Variants in SUSD4 observed in about 807,000 individuals in gnomAD.
SUSD4 encodes the protein sushi domain containing 4.
A neutral mutation model predicts 50.5 loss-of-function variants in SUSD4; 41 were observed. That is an observed-to-expected ratio of 0.81 (90% CI 0.63 to 1.05). The LOEUF (loss-of-function observed/expected upper bound fraction) is 1.05. Ranked by LOEUF, SUSD4 falls within the 50% of genes least tolerant of loss-of-function variation. The pLI is 0.00. For missense variants in SUSD4, 580 were observed against 634.7 expected (o/e 0.91, Z 0.93); for synonymous variants, 257 against 257.3 (o/e 1.00, Z 0.01).
chr1:223,265,644 C>G (rs1243218868), intron 4 of SUSD4, among the ~76,000 whole-genome samples: 1 of 152,144 alleles, frequency 6.6e-6, no homozygotes, highest in Non-Finnish European at 1.5e-5. Context: ...GGAAGTGGGA[C>G]CTGGATCCCA....
chr1:223,235,757 A>G (rs1660178354), intron 5 of SUSD4, among the ~76,000 whole-genome samples: 1 of 152,198 alleles, frequency 6.6e-6, no homozygotes, highest in African/African-American at 2.4e-5. Context: ...TTATTTATCC[A>G]TTCACCTACT....
chr1:223,283,702 A>G (rs1663926998), intron 3 of SUSD4, among the ~76,000 whole-genome samples: 1 of 152,194 alleles, frequency 6.6e-6, no homozygotes, highest in Non-Finnish European at 1.5e-5. Context: ...AACTAGAAAT[A>G]CCATTTGACC....
intron 3 of SUSD4, among the ~76,000 whole-genome samples, chr1:223,282,301 C>T (rs918900263): frequency 6.6e-6 from 1 of 152,160 alleles, no homozygotes; most frequent in Non-Finnish European, 1.5e-5. Context: ...GTCAAATTGT[C>T]CCTGTTTGCA....
At chr1:223,358,554 T>C (rs899425693) in intron 2 of SUSD4, among the ~76,000 whole-genome samples, 2 of 152,196 alleles carry the variant, frequency 1.3e-5, no homozygotes, top group Non-Finnish European at 2.9e-5. Flanking sequence ...AACAGAATAA[T>C]TTAGGTGCTT....
chr1:223,264,494 C>T lies in SUSD4; in HGVS notation c.724+136G>A, dbSNP rs566808715. The T allele has an allele frequency of 6.7e-5, 95 of 1,425,572 alleles. No individual in the cohort carries two copies. In the African/African-American group the frequency reaches 1.3e-3, roughly 19 times the overall value. The allele number at this position is 1,425,572 out of a possible 1,614,324, so 88.3% of individuals were successfully genotyped here. On this transcript the variant is annotated intron_variant, in intron 5 of 8. Coordinates refer to ENST00000366878, the MANE Select transcript of SUSD4 (RefSeq NM_017982.4). ...GGCTTCACGGCAGCTGATCTCTGCT[C>T]TGGAGAAAAGTGAGAAAGATGTATT... is the stretch of plus-strand genomic sequence containing the variant.
intron 2 of SUSD4, among the ~76,000 whole-genome samples, chr1:223,321,120 C>G (rs1233930575): frequency 2.6e-5 from 4 of 152,148 alleles, no homozygotes; most frequent in Admixed American, 2.0e-4. Context: ...GGCCATTGCC[C>G]TACTCCACAA....
At chr1:223,305,133 T>TA (rs1192289261) in intron 2 of SUSD4, among the ~76,000 whole-genome samples, 1 of 151,764 alleles carries the variant, frequency 6.6e-6, no homozygotes, top group Non-Finnish European at 1.5e-5. Flanking sequence ...TCTAGAGAAT[T>TA]AAAGTGATTT....
chr1:223,311,545 T>C (rs539254154), intron 2 of SUSD4, among the ~76,000 whole-genome samples: 5 of 152,352 alleles, frequency 3.3e-5, no homozygotes, highest in Admixed American at 3.3e-4. Context: ...ATTTACGGTT[T>C]AAGTGGCATG....
At chr1:223,275,002 C>T (rs1663160816) in intron 3 of SUSD4, among the ~76,000 whole-genome samples, 1 of 152,174 alleles carries the variant, frequency 6.6e-6, no homozygotes, top group Non-Finnish European at 1.5e-5. Flanking sequence ...GTGTACACTG[C>T]TATATGTATT....
intron 2 of SUSD4, among the ~76,000 whole-genome samples, chr1:223,313,615 C>T (rs2176504): frequency 0.54 from 82,064 of 151,844 alleles, 22,186 homozygotes; most frequent in African/African-American, 0.58. Flanking sequence ...AGGCTGAGAC[C>T]TACTGGACTG....
chr1:223,292,679 C>A (rs772713556), intron 2 of SUSD4, 28 bp from the exon 3 acceptor site: 5 of 1,609,340 alleles, frequency 3.1e-6, no homozygotes, highest in Non-Finnish European at 3.4e-6. Flanking sequence ...GGAAAAGGTG[C>A]CTATGAATAT....
intron 2 of SUSD4, among the ~76,000 whole-genome samples, chr1:223,355,165 C>T (rs551578704): frequency 3.9e-5 from 6 of 151,906 alleles, no homozygotes; most frequent in African/African-American, 1.5e-4. Flanking sequence ...ATCCCCACCT[C>T]CTGGGTTCAA....
intron 3 of SUSD4, among the ~76,000 whole-genome samples, chr1:223,288,346 G>A (rs1664277226): frequency 6.6e-6 from 1 of 152,090 alleles, no homozygotes; most frequent in African/African-American, 2.4e-5. Flanking sequence ...GTTTCCTGAG[G>A]CCTCCCCAGC....
At chr1:223,313,190 T>A (rs746394904) in intron 2 of SUSD4, among the ~76,000 whole-genome samples, 3 of 152,148 alleles carry the variant, frequency 2.0e-5, no homozygotes, top group Non-Finnish European at 4.4e-5. Context: ...ACCATGTGAT[T>A]AGAGGGTTGG....
chr1:223,289,990 T>C (rs1457122796), intron 3 of SUSD4, among the ~76,000 whole-genome samples: 1 of 152,198 alleles, frequency 6.6e-6, no homozygotes, highest in Non-Finnish European at 1.5e-5. Flanking sequence ...AGTTTCCTAA[T>C]CAGGAAACAA....
At chr1:223,298,344 C>T (rs564890060) in intron 2 of SUSD4, among the ~76,000 whole-genome samples, 2 of 152,266 alleles carry the variant, frequency 1.3e-5, no homozygotes, top group Non-Finnish European at 2.9e-5. Flanking sequence ...ATAGCACAGA[C>T]ACACTCTCTC....
At chr1:223,320,691 A>G (rs1287954810) in intron 2 of SUSD4, among the ~76,000 whole-genome samples, 1 of 152,178 alleles carries the variant, frequency 6.6e-6, no homozygotes, top group Non-Finnish European at 1.5e-5. Flanking sequence ...AGGAAGAGGG[A>G]CACCTCTCTT....
At chr1:223,287,278 T>C (rs1247123838) in intron 3 of SUSD4, among the ~76,000 whole-genome samples, 1 of 152,212 alleles carries the variant, frequency 6.6e-6, no homozygotes, top group Admixed American at 6.5e-5. Flanking sequence ...GGTTCCGCCA[T>C]GCTGGCCAGG....
At chr1:223,271,733 G>A (rs1662933589) in intron 3 of SUSD4, among the ~76,000 whole-genome samples, 1 of 152,190 alleles carries the variant, frequency 6.6e-6, no homozygotes, top group East Asian at 1.9e-4. Context: ...CCCTAAAGGA[G>A]GGTGAAGTAG....
Sources: allele counts gnomAD v4.1 joint callset (sites outside exome capture counted in the v4.1 genomes callset), GRCh38; gene constraint gnomAD v4.1.1; transcripts MANE v1.5; gene names NCBI Gene and HGNC (gene_info 2026-07-23, HGNC 2026-07-21).